The following PAMR1 variants were observed in gnomAD, a reference collection of about 807,000 sequenced individuals.
PAMR1 encodes peptidase domain containing associated with muscle regeneration 1.
A neutral mutation model predicts 81.8 loss-of-function variants in PAMR1; 88 were observed. That is an observed-to-expected ratio of 1.08 (90% CI 0.91 to 1.28). The LOEUF (loss-of-function observed/expected upper bound fraction) is 1.28, where lower values mean the gene tolerates loss of function less well. Among genes scored for constraint, PAMR1 ranks in the 50% most tolerant of loss-of-function variants. The pLI, the probability that PAMR1 is intolerant of heterozygous loss-of-function variation, is 0.00. For synonymous variants in PAMR1, 336 were observed against 345.3 expected (o/e 0.97, Z 0.30); for missense variants, 935 against 919.7 (o/e 1.02, Z -0.21).
chr11:35,485,650 T>C (rs192911607), intron 3 of PAMR1, among the ~76,000 whole-genome samples: 1 of 152,328 alleles, frequency 6.6e-6, no homozygotes, highest in East Asian at 1.9e-4. Context: ...GTTAGTAATA[T>C]AAACATTGTC....
chr11:35,493,994 G>T, intron 2 of PAMR1, 102 bp downstream of exon 2: 1 of 855,384 alleles, frequency 1.2e-6, no homozygotes, highest in Non-Finnish European at 1.9e-6. Flanking sequence ...TGGCACCACA[G>T]CCTCCTGATG....
At position 35,519,807 on chromosome 11, in the gene PAMR1, C is replaced by T. The variant is rs541477721; in HGVS notation, c.73+5706G>A. 2.5e-4 allele frequency among the ~76,000 whole-genome samples: 38 copies of T among 152,280 alleles called. No individual in the cohort carries two copies. In the South Asian group the frequency reaches 7.1e-3, roughly 28 times the overall value. ...CTAACACCATGATTTTTTATCATTT[C>T]GCCAAAATACAGCCAGCAGATCTGC... On this transcript the variant is annotated intron_variant, in intron 1 of 10. Transcript: ENST00000619888.
chr11:35,516,273 C>T (rs1243286515), intron 1 of PAMR1, among the ~76,000 whole-genome samples: 1 of 152,164 alleles, frequency 6.6e-6, no homozygotes, highest in African/African-American at 2.4e-5. Context: ...TACTTTATAC[C>T]CCATGCATGT....
chr11:35,507,538 T>C (rs901436653), intron 1 of PAMR1, among the ~76,000 whole-genome samples: 2 of 152,226 alleles, frequency 1.3e-5, no homozygotes, highest in Admixed American at 1.3e-4. Context: ...TGTGTTATCT[T>C]AGCAATCACT....
chr11:35,499,335 G>T (rs1304613973), intron 1 of PAMR1, among the ~76,000 whole-genome samples: 4 of 152,132 alleles, frequency 2.6e-5, no homozygotes, highest in East Asian at 1.9e-4. Flanking sequence ...TCTGAACAGC[G>T]AATATGCCCA....
chr11:35,446,096 C>T (rs1856285905), intron 6 of PAMR1, among the ~76,000 whole-genome samples: 1 of 152,104 alleles, frequency 6.6e-6, no homozygotes, highest in African/African-American at 2.4e-5. Context: ...TCCATTTATC[C>T]TAGATTTTCT....
intron 3 of PAMR1, among the ~76,000 whole-genome samples, chr11:35,478,775 A>G (rs1270472768): frequency 6.6e-6 from 1 of 152,150 alleles, no homozygotes; most frequent in East Asian, 1.9e-4. Flanking sequence ...AGCCTGGAAG[A>G]TGTGCTCAGA....
upstream of PAMR1, chr11:35,529,004 T>A (rs562002928): frequency 6.6e-6 from 1 of 152,332 alleles, no homozygotes; most frequent in South Asian, 2.1e-4. Flanking sequence ...GGAGAACTGT[T>A]ATTATGACAC....
At chr11:35,477,113 C>T (rs1850298938) in intron 3 of PAMR1, among the ~76,000 whole-genome samples, 1 of 152,130 alleles carries the variant, frequency 6.6e-6, no homozygotes, top group Admixed American at 6.5e-5. Flanking sequence ...ACAGGCCCTC[C>T]CAATTCTATG....
intron 3 of PAMR1, among the ~76,000 whole-genome samples, chr11:35,481,416 T>A (rs1408769735): frequency 6.6e-6 from 1 of 152,210 alleles, no homozygotes; most frequent in East Asian, 1.9e-4. Context: ...CATGAGATAG[T>A]ATCTCATTGT....
chr11:35,453,009 G>C (rs1036115178), intron 6 of PAMR1, among the ~76,000 whole-genome samples: 7 of 152,194 alleles, frequency 4.6e-5, no homozygotes, highest in African/African-American at 1.7e-4. Context: ...ATATTTGTTG[G>C]TGGGTGGAAG....
chr11:35,450,220 T>C (rs1009469583), intron 6 of PAMR1, among the ~76,000 whole-genome samples: 7 of 151,026 alleles, frequency 4.6e-5, no homozygotes, highest in Admixed American at 4.6e-4. Flanking sequence ...CTTTCCTATG[T>C]GCAACTTGGC....
At chr11:35,457,865 A>T (rs370048889) in intron 6 of PAMR1, among the ~76,000 whole-genome samples, 2 of 152,344 alleles carry the variant, frequency 1.3e-5, no homozygotes, top group East Asian at 3.9e-4. Flanking sequence ...CTACTCACAG[A>T]GGAAGGGATA....
At chr11:35,488,423 G>A (rs1687128330) in intron 3 of PAMR1, among the ~76,000 whole-genome samples, 1 of 151,434 alleles carries the variant, frequency 6.6e-6, no homozygotes, top group Non-Finnish European at 1.5e-5. Flanking sequence ...ATCTTGTTTT[G>A]TTGATCAGTC....
intron 3 of PAMR1, among the ~76,000 whole-genome samples, chr11:35,481,119 G>A (rs1458648463): frequency 6.6e-6 from 1 of 152,068 alleles, no homozygotes; most frequent in African/African-American, 2.4e-5. Flanking sequence ...TGGGCATTTG[G>A]GTTGGTTCCA....
chr11:35,487,561 G>A (rs542711178), intron 3 of PAMR1, among the ~76,000 whole-genome samples: 1 of 152,294 alleles, frequency 6.6e-6, no homozygotes, highest in African/African-American at 2.4e-5. Flanking sequence ...GCTTCGACTG[G>A]GTCCTCCGTC....
At chr11:35,503,528 T>G (rs1473796191) in intron 1 of PAMR1, among the ~76,000 whole-genome samples, 1 of 152,182 alleles carries the variant, frequency 6.6e-6, no homozygotes, top group Non-Finnish European at 1.5e-5. Context: ...TTTCCATTTT[T>G]TGTGACCTCT....
chr11:35,432,783 A>G lies in PAMR1; in HGVS notation c.1736T>C (p.Ile579Thr). 6.2e-7 allele frequency: 1 copy of G among 1,612,038 alleles called. No individual in the cohort carries two copies. The highest frequency in any genetic ancestry group is 1.1e-5 in the South Asian group (1 of 91,070). Residue 579 changes from isoleucine to threonine, a missense_variant, in exon 11 of 11, where the codon ATC becomes ACC. Ile to Thr is a moderately conservative substitution (Grantham distance 89). Coordinates refer to ENST00000619888, the MANE Select transcript of PAMR1 (RefSeq NM_001001991.3). ...GAGATCCCGACTGGCAGCGAGGCAG[A>G]TGGGCTGGACTCGGGTGCTGATACG... is the stretch of plus-strand genomic sequence containing the variant. The part of the protein sequence containing the change: ...KARISTRVQP[I>T]CLAASRDLST...
At position 35,525,599 on chromosome 11, in the gene PAMR1, G is replaced by A; in HGVS notation, c.-14C>T. ...ACCCAGCTCCATCCTTGCCGCGGCT[G>A]GTGCCCGAGCGTCTACTGGGGAGGG... On this transcript the variant is annotated 5_prime_UTR_variant, in exon 1 of 11. Transcript: ENST00000619888. 6.2e-7 allele frequency: 1 copy of A among 1,613,164 alleles called. No homozygotes were observed. Among genetic ancestry groups the A allele is most frequent in the Non-Finnish European group, 8.5e-7 (1 of 1,179,570 alleles).
Sources: gnomAD v4.1 joint callset for allele counts (sites outside exome capture counted in the v4.1 genomes callset) on GRCh38, gnomAD v4.1.1 for gene constraint, MANE v1.5 for transcripts, NCBI Gene and HGNC (gene_info 2026-07-23, HGNC 2026-07-21) for gene names.